The following SFRP1 variants were observed in gnomAD, a reference collection of about 807,000 sequenced individuals.
SFRP1 encodes secreted frizzled-related protein 1.
SFRP1 carries 9 observed loss-of-function variants against 25.9 expected under a neutral mutation model. That is an observed-to-expected ratio of 0.35 (90% CI 0.21 to 0.61). SFRP1 has a LOEUF of 0.61. SFRP1 is among the 20% of genes least tolerant of loss of function. The pLI is 0.78. For missense variants in SFRP1, 346 were observed against 418.2 expected (o/e 0.83, Z 1.51); for synonymous variants, 178 against 174.0 (o/e 1.02, Z -0.18).
intron 2 of SFRP1, among the ~76,000 whole-genome samples, chr8:41,269,421 G>A (rs1347307035): frequency 6.6e-6 from 1 of 152,088 alleles, no homozygotes; most frequent in Non-Finnish European, 1.5e-5. Context: ...TCTTTCTCGG[G>A]AAATCTTAAA....
chr8:41,293,753 T>TG (rs1032300660), intron 2 of SFRP1, among the ~76,000 whole-genome samples: 1 of 151,726 alleles, frequency 6.6e-6, no homozygotes, highest in African/African-American at 2.4e-5. Flanking sequence ...GGGGGTTTTG[T>TG]GGGGGGTTTT....
At chr8:41,281,024 G>T (rs1165679540) in intron 2 of SFRP1, among the ~76,000 whole-genome samples, 1 of 152,202 alleles carries the variant, frequency 6.6e-6, no homozygotes, top group Non-Finnish European at 1.5e-5. Flanking sequence ...CAGGTTTGGG[G>T]GCCAAGGCTG....
At chr8:41,287,226 G>A (rs1225728719) in intron 2 of SFRP1, among the ~76,000 whole-genome samples, 1 of 152,316 alleles carries the variant, frequency 6.6e-6, no homozygotes, top group East Asian at 1.9e-4. Flanking sequence ...AAACACACAG[G>A]CTTGTCCACT....
chr8:41,303,911 TCTC>T (rs1446355752), intron 1 of SFRP1, among the ~76,000 whole-genome samples: 1 of 152,038 alleles, frequency 6.6e-6, no homozygotes, highest in East Asian at 1.9e-4. Context: ...TCCTCTCCCT[TCTC>T]CTTTCAATAC....
Position 41,262,736 on chromosome 8 carries a change from T to C in SFRP1, c.*2431A>G, listed in dbSNP as rs1198472716. The C allele has an allele frequency of 6.6e-6, 1 of 152,196 alleles. No homozygotes were observed. Among genetic ancestry groups the C allele is most frequent in the African/African-American group, 2.4e-5 (1 of 41,456 alleles). The allele number at this position is 152,196 out of a possible 1,614,324, so 9.4% of individuals were successfully genotyped here. ...ATGACCAGGCCAATCAGTCTGCACATTGGTTTTGTTAGATACTTTGTGGAG... is the reference window on the plus strand; with the variant it reads ...ATGACCAGGCCAATCAGTCTGCACACTGGTTTTGTTAGATACTTTGTGGAG... On this transcript the variant is annotated 3_prime_UTR_variant, in exon 3 of 3. Transcript: ENST00000220772.
intron 2 of SFRP1, among the ~76,000 whole-genome samples, chr8:41,272,108 A>G (rs925971210): frequency 6.6e-6 from 1 of 152,252 alleles, no homozygotes; most frequent in Non-Finnish European, 1.5e-5. Flanking sequence ...TATAAAATGC[A>G]AGACAAGTAA....
chr8:41,302,814 C>A (rs1803941480), intron 2 of SFRP1, among the ~76,000 whole-genome samples: 1 of 152,054 alleles, frequency 6.6e-6, no homozygotes, highest in South Asian at 2.1e-4. Flanking sequence ...CCAGCTCCTC[C>A]TTCTCCTGGA....
intron 2 of SFRP1, among the ~76,000 whole-genome samples, chr8:41,274,344 T>C (rs1421760730): frequency 6.6e-6 from 1 of 152,186 alleles, no homozygotes; most frequent in Non-Finnish European, 1.5e-5. Flanking sequence ...GAATTCATAA[T>C]ATGAACATAA....
At chr8:41,307,137 G>A (rs1804008254) in intron 1 of SFRP1, 3 of 794,106 alleles carry the variant, frequency 3.8e-6, no homozygotes, top group African/African-American at 1.7e-5. Context: ...CAGGGGATGG[G>A]TGCAAGCCAA....
intron 2 of SFRP1, among the ~76,000 whole-genome samples, chr8:41,268,387 G>A (rs2117478850): frequency 6.6e-6 from 1 of 152,296 alleles, no homozygotes; most frequent in East Asian, 1.9e-4. Flanking sequence ...GGTTAGAAGT[G>A]ATATTGCTTC....
intron 1 of SFRP1, among the ~76,000 whole-genome samples, chr8:41,306,478 C>A (rs1803997933): frequency 6.9e-6 from 1 of 145,476 alleles, no homozygotes; most frequent in African/African-American, 2.8e-5. Context: ...CCTCTACACA[C>A]CTACACACAC....
At chr8:41,287,867 CCTT>C (rs1803724796) in intron 2 of SFRP1, among the ~76,000 whole-genome samples, 1 of 152,234 alleles carries the variant, frequency 6.6e-6, no homozygotes, top group African/African-American at 2.4e-5. Context: ...AACAGGAAGC[CCTT>C]CCAGGGATGC....
chr8:41,309,310 C>T lies in SFRP1; in HGVS notation c.-151G>A. 3 of 969,180 alleles carry T rather than the reference C, an allele frequency of 3.1e-6. No individual in the cohort carries two copies. The highest frequency in any genetic ancestry group is 3.9e-6 in the Non-Finnish European group (3 of 761,046). The allele number at this position is 969,180 out of a possible 1,614,324, so 60.0% of individuals were successfully genotyped here. A position where few individuals can be genotyped will look rare whatever the true frequency, so the allele number is the denominator to read the frequency against. On this transcript the variant is annotated 5_prime_UTR_variant, in exon 1 of 3. Coordinates refer to ENST00000220772, the MANE Select transcript of SFRP1 (RefSeq NM_003012.5). ...CGCGGCCGCAAGCTGCTGCCCGGTC[C>T]CCCCGGCCAGTGGCGGCCCTCGGCC... is the stretch of plus-strand genomic sequence containing the variant.
intron 2 of SFRP1, among the ~76,000 whole-genome samples, chr8:41,290,272 T>C (rs887324987): frequency 6.6e-6 from 1 of 152,178 alleles, no homozygotes; most frequent in African/African-American, 2.4e-5. Flanking sequence ...AAACCACACA[T>C]GCACCTCCCC....
At chr8:41,284,629 C>T (rs1378986225) in intron 2 of SFRP1, among the ~76,000 whole-genome samples, 2 of 152,312 alleles carry the variant, frequency 1.3e-5, no homozygotes, top group East Asian at 1.9e-4. Context: ...CTGCAGGGAC[C>T]ACACCTGCTC....
At chr8:41,301,602 A>G (rs1483198145) in intron 2 of SFRP1, among the ~76,000 whole-genome samples, 1 of 152,216 alleles carries the variant, frequency 6.6e-6, no homozygotes, top group East Asian at 1.9e-4. Flanking sequence ...CTGTGCATCA[A>G]CTCTTAAGTG....
intron 1 of SFRP1, chr8:41,307,042 G>T: frequency 7.0e-7 from 1 of 1,430,256 alleles, no homozygotes; most frequent in Non-Finnish European, 9.1e-7. Context: ...TGGACTCCAG[G>T]TCAGGGCTGG....
intron 1 of SFRP1, among the ~76,000 whole-genome samples, chr8:41,305,665 G>T (rs1286302927): frequency 6.6e-6 from 1 of 152,168 alleles, no homozygotes; most frequent in African/African-American, 2.4e-5. Flanking sequence ...TTAAAATAAT[G>T]TTTAAAGCAA....
At chr8:41,298,345 A>G (rs1409151253) in intron 2 of SFRP1, 1 of 152,246 alleles carries the variant, frequency 6.6e-6, no homozygotes, top group Non-Finnish European at 1.5e-5. Context: ...CAAATTAACT[A>G]GAAGACTAGA....
Sources: gnomAD v4.1 joint callset for allele counts (sites outside exome capture counted in the v4.1 genomes callset) on GRCh38, gnomAD v4.1.1 for gene constraint, MANE v1.5 for transcripts, NCBI Gene and HGNC (gene_info 2026-07-23, HGNC 2026-07-21) for gene names.